Variants in ANKMY1 observed in about 807,000 individuals in gnomAD.
ANKMY1 encodes the protein ankyrin repeat and MYND domain-containing protein 1.
A neutral mutation model predicts 102.0 loss-of-function variants in ANKMY1; 98 were observed. That is an observed-to-expected ratio of 0.96 (90% CI 0.82 to 1.14). ANKMY1 has a LOEUF of 1.14. ANKMY1 is among the 50% of genes most tolerant of loss of function. The probability of loss-of-function intolerance (pLI) is 0.00; values close to 1 mark genes in which losing one functional copy is unlikely to be tolerated. For missense variants in ANKMY1, 1,330 were observed against 1,347.6 expected, an observed-to-expected ratio of 0.99 and a Z score of 0.20; for synonymous variants, 582 against 559.9, an observed-to-expected ratio of 1.04 and a Z score of -0.56.
chr2:240,524,015 T>C lies in ANKMY1; in HGVS notation c.1702A>G (p.Ile568Val), dbSNP rs1053456667. The change falls in exon 8 of 18, where the codon ATC becomes GTC. Residue 568 changes from isoleucine (I) to valine (V), a missense_variant. Physicochemically the swap from Ile to Val is conservative, Grantham distance 29. Transcript: ENST00000401804. ...ESNVCVCDFS[I>V]ELSQAMLERS... ...TCCAGCATGGCCTGCGAGAGCTCGA[T>C]GGAGAAGTCGCACACACACACGTTG... 8.7e-6 allele frequency: 14 copies of C among 1,613,948 alleles called. No homozygotes were observed. Among genetic ancestry groups the C allele is most frequent in the Non-Finnish European group, 1.2e-5 (14 of 1,180,024 alleles).
Position 240,520,521 on chromosome 2 carries a change from G to T in ANKMY1, c.1845C>A (p.Arg615=), listed in dbSNP as rs757664795. ...MALSMIERRK[R]WRTIKLLLRR... Reference sequence around the variant, plus strand: ...GCAGCAGCAGCTTGATGGTCCGCCAGCGCTTCCTCCGCCTGAAAAAGACGG... The same window carrying T: ...GCAGCAGCAGCTTGATGGTCCGCCATCGCTTCCTCCGCCTGAAAAAGACGG... Residue 615 remains arginine (R), a synonymous_variant, in exon 9 of 18, where the codon CGC becomes CGA. Coordinates refer to ENST00000401804, the MANE Select transcript of ANKMY1 (RefSeq NM_001282771.3). The surrounding 1 kb of genome is among the most constrained non-coding windows in gnomAD (Gnocchi z 4.8). 6.2e-7 allele frequency: 1 copy of T among 1,612,044 alleles called. No individual in the cohort carries two copies. The highest frequency in any genetic ancestry group is 8.5e-7 in the Non-Finnish European group (1 of 1,179,168).
At chr2:240,469,111 A>T in the ANKMY1 span, among the ~76,000 whole-genome samples, 33 of 152,220 alleles carry the variant, frequency 2.2e-4, no homozygotes, top group Admixed American at 6.5e-4. Flanking sequence ...GTAGTTGTGG[A>T]CAACGCATTT....
intron 2 of ANKMY1, among the ~76,000 whole-genome samples, chr2:240,556,421 TA>T (rs1202338953): frequency 1.3e-5 from 2 of 152,236 alleles, no homozygotes; most frequent in African/African-American, 4.8e-5. Flanking sequence ...GGCTCCTAGC[TA>T]AGCCCGCTCC....
Position 240,543,543 on chromosome 2 carries a change from G to A in ANKMY1, c.480+9371C>T, listed in dbSNP as rs193091085. On this transcript the variant is annotated intron_variant, in intron 4 of 17. Coordinates refer to ENST00000401804, the MANE Select transcript of ANKMY1 (RefSeq NM_001282771.3). The stretch of plus-strand genomic sequence containing the variant: ...TTTCTGTGAATTTTTTGATAAGTAC[G>A]ACTAATTTAATGTTGTTACTTTAAT... Among the ~76,000 whole-genome samples, 653 of 152,088 alleles carry A rather than the reference G, an allele frequency of 4.3e-3. 7 individuals carry two copies. The highest frequency in any genetic ancestry group is 5.2e-3 in the Non-Finnish European group (352 of 67,996).
chr2:240,481,659 C>T (rs929325847), intron 16 of ANKMY1, among the ~76,000 whole-genome samples: 9 of 152,156 alleles, frequency 5.9e-5, no homozygotes, highest in Non-Finnish European at 1.2e-4. Context: ...CCTGCCCTCT[C>T]ATCTCAGAGG....
intron 4 of ANKMY1, among the ~76,000 whole-genome samples, chr2:240,544,795 T>C: frequency 6.6e-6 from 1 of 152,240 alleles, no homozygotes; most frequent in East Asian, 1.9e-4. Context: ...ACTGCGCTTT[T>C]CTGACGGGCT....
chr2:240,525,047 C>T (rs2083080106), intron 7 of ANKMY1, among the ~76,000 whole-genome samples: 1 of 152,232 alleles, frequency 6.6e-6, no homozygotes, highest in African/African-American at 2.4e-5. Flanking sequence ...AGGAAAGGAC[C>T]TTCAGGAAGC....
Position 240,497,099 on chromosome 2 carries a change from C to T in ANKMY1, c.2806+2859G>A, listed in dbSNP as rs931918996. 3.3e-4 allele frequency among the ~76,000 whole-genome samples: 50 copies of T among 151,838 alleles called. 1 individual carries two copies. The highest frequency in any genetic ancestry group is 2.9e-3 in the Admixed American group (43 of 15,076). ...TGGAAGCTGAGGATAAGAATGGAGC[C>T]GCCACCTCCTCGCCATCTTGGAAGC... is the stretch of plus-strand genomic sequence containing the variant. On this transcript the variant is annotated intron_variant, in intron 15 of 17. Coordinates refer to ENST00000401804, the MANE Select transcript of ANKMY1 (RefSeq NM_001282771.3).
chr2:240,471,531 G>A, the ANKMY1 span, among the ~76,000 whole-genome samples: 9 of 152,272 alleles, frequency 5.9e-5, no homozygotes, highest in South Asian at 4.1e-4. Flanking sequence ...TTATCAAAGC[G>A]AAAAGGGGGA....
Position 240,499,910 on chromosome 2 carries a change from C to T in ANKMY1, c.2806+48G>A. ...AGGGATAACAGCCCCAGGCACGAGG[C>T]CGGAACGCCGCCCTGTGGAGCAGAG... is the stretch of plus-strand genomic sequence containing the variant. On this transcript the variant is annotated intron_variant, in intron 15 of 17. Coordinates refer to ENST00000401804, the MANE Select transcript of ANKMY1 (RefSeq NM_001282771.3). The surrounding 1 kb of genome is among the most constrained non-coding windows in gnomAD (Gnocchi z 4.2). 6.4e-7 allele frequency: 1 copy of T among 1,558,966 alleles called. No individual in the cohort carries two copies. Among genetic ancestry groups the T allele is most frequent in the South Asian group, 1.2e-5 (1 of 85,166 alleles).
chr2:240,560,687 G>A (rs771352526), upstream of ANKMY1: 4 of 1,523,380 alleles, frequency 2.6e-6, no homozygotes, highest in Non-Finnish European at 3.5e-6. Context: ...CGGGCGCCAT[G>A]GGACCGGCAG....
chr2:240,557,357 A>C lies in ANKMY1; in HGVS notation c.-17-5T>G. On this transcript the variant is annotated splice_polypyrimidine_tract_variant and splice_region_variant and intron_variant, in intron 1 of 17. Coordinates refer to ENST00000401804, the MANE Select transcript of ANKMY1 (RefSeq NM_001282771.3). ...CCATGTCTGTGGTCTTCCAACCTGC[A>C]AGCGACGTCAGGACCGCACATGTGC... 1 of 1,498,000 alleles carries C rather than the reference A, an allele frequency of 6.7e-7. No homozygotes were observed. The highest frequency in any genetic ancestry group is 9.0e-7 in the Non-Finnish European group (1 of 1,114,126). 92.8% of individuals were successfully genotyped at this position (1,498,000 alleles called of 1,614,324 possible).
chr2:240,475,081 T>C (rs10933607), downstream of ANKMY1, among the ~76,000 whole-genome samples: 88,509 of 152,070 alleles, frequency 0.58, 26,870 homozygotes, highest in African/African-American at 0.76. Flanking sequence ...ATCTCACCTG[T>C]ATCTATTAAT....
chr2:240,474,375 G>A, the ANKMY1 span, among the ~76,000 whole-genome samples: 1 of 150,752 alleles, frequency 6.6e-6, no homozygotes, highest in South Asian at 2.1e-4. Flanking sequence ...CCAAAGTGCT[G>A]GGATTACAGG....
intron 5 of ANKMY1, among the ~76,000 whole-genome samples, chr2:240,528,228 G>A (rs1449512673): frequency 6.6e-6 from 1 of 152,062 alleles, no homozygotes; most frequent in Non-Finnish European, 1.5e-5. Context: ...GGAGGTTGCA[G>A]TGAGCCAAGA....
intron 15 of ANKMY1, among the ~76,000 whole-genome samples, chr2:240,485,028 T>C (rs1009556870): frequency 3.3e-5 from 5 of 151,934 alleles, no homozygotes; most frequent in Admixed American, 2.0e-4. Context: ...AGAATGGTGA[T>C]CATTAAAAGC....
In ANKMY1 at chr2:240,529,076, G is replaced by A; in HGVS notation, c.914C>T (p.Pro305Leu). The A allele has an allele frequency of 6.2e-7, 1 of 1,614,168 alleles. No homozygotes were observed. Among genetic ancestry groups the A allele is most frequent in the Non-Finnish European group, 8.5e-7 (1 of 1,180,030 alleles). The part of the protein sequence containing the change: ...GEPWFIINET[P>L]LLVKIQKQTY... Reference sequence around the variant, plus strand: ...TTGCTTCTGGATTTTGACCAACAAAGGGGTCTCATTGATTATGAACCATGG... The same window carrying A: ...TTGCTTCTGGATTTTGACCAACAAAAGGGTCTCATTGATTATGAACCATGG... The change falls in exon 5 of 18, where the codon CCT (proline) becomes CTT (leucine). Residue 305 changes from proline to leucine, a missense_variant. Pro to Leu is a moderately conservative substitution (Grantham distance 98, BLOSUM62 -3). Transcript: ENST00000401804. The surrounding 1 kb of genome is among the most constrained non-coding windows in gnomAD (Gnocchi z 4.2).
intron 9 of ANKMY1, among the ~76,000 whole-genome samples, chr2:240,516,521 A>C (rs1413766826): frequency 1.3e-5 from 2 of 152,240 alleles, no homozygotes; most frequent in Non-Finnish European, 2.9e-5. Flanking sequence ...ATATGTTGCC[A>C]GTGGTTATCC....
the ANKMY1 span, among the ~76,000 whole-genome samples, chr2:240,471,359 A>G: frequency 6.6e-6 from 1 of 151,704 alleles, no homozygotes; most frequent in Non-Finnish European, 1.5e-5. Flanking sequence ...CCCGGGTTCA[A>G]GCGATTCTCC....
Sources: gnomAD v4.1 joint callset for allele counts (sites outside exome capture counted in the v4.1 genomes callset) on GRCh38, gnomAD v4.1.1 for gene constraint, Gnocchi (gnomAD v3.1) non-coding constraint, MANE v1.5 for transcripts, NCBI Gene and HGNC (gene_info 2026-07-23, HGNC 2026-07-21) for gene names.